The following ABCB5 variants were observed in gnomAD, a reference collection of about 807,000 sequenced individuals.
ABCB5 encodes the protein ATP binding cassette subfamily B member 5, also known as ATP-binding cassette sub-family B member 5.
In ABCB5, 155 loss-of-function variants were observed where a neutral mutation model predicts 144.2. The observed-to-expected ratio is 1.08, with a 90% CI of 0.94 to 1.23. The LOEUF is 1.23. Among genes scored for constraint, ABCB5 ranks in the 50% most tolerant of loss-of-function variants. ABCB5 has a pLI of 0.00. For synonymous variants in ABCB5, 610 were observed against 528.6 expected, an observed-to-expected ratio of 1.15 and a Z score of -2.11; for missense variants, 1,830 against 1,520.8, an observed-to-expected ratio of 1.20 and a Z score of -3.38.
chr7:20,691,293 T>C (rs1786220445), intron 16 of ABCB5, among the ~76,000 whole-genome samples: 1 of 149,480 alleles, frequency 6.7e-6, no homozygotes, highest in African/African-American at 2.5e-5. Flanking sequence ...TCAGTGGACT[T>C]TGAGTTGAGG....
chr7:20,656,798 A>C (rs1784807583), intron 13 of ABCB5, among the ~76,000 whole-genome samples: 1 of 152,298 alleles, frequency 6.6e-6, no homozygotes, highest in Non-Finnish European at 1.5e-5. Context: ...TATCTTGTAC[A>C]TGAATATTCA....
At chr7:20,754,605 A>T (rs1488433263) in intron 27 of ABCB5, among the ~76,000 whole-genome samples, 2 of 152,220 alleles carry the variant, frequency 1.3e-5, no homozygotes, top group Admixed American at 6.5e-5. Flanking sequence ...CTGAAATGCT[A>T]TGTTAACAGG....
chr7:20,734,494 A>T (rs1474370598), intron 23 of ABCB5, among the ~76,000 whole-genome samples: 1 of 151,178 alleles, frequency 6.6e-6, no homozygotes, highest in Non-Finnish European at 1.5e-5. Flanking sequence ...TCCAAGGCAT[A>T]ATTTATAGCT....
At chr7:20,656,817 T>A (rs1444636948) in intron 13 of ABCB5, among the ~76,000 whole-genome samples, 1 of 152,108 alleles carries the variant, frequency 6.6e-6, no homozygotes, top group Non-Finnish European at 1.5e-5. Flanking sequence ...CATAGCAGCT[T>A]TATTTATAAT....
rs547480090 is a variant in ABCB5, at chr7:20,647,424, T to C, written c.982-111T>C. The C allele has an allele frequency of 2.8e-4, 385 of 1,395,428 alleles. 1 individual carries two copies. Among genetic ancestry groups the C allele is most frequent in the Non-Finnish European group, 3.2e-4 (343 of 1,078,918 alleles). The allele number at this position is 1,395,428 out of a possible 1,614,324, so 86.4% of individuals were successfully genotyped here. Reference sequence around the variant, plus strand: ...GTCATATCTTCCATTCTTTCTTACCTAATTCCTCTAATATCTCTCTGTGAG... The same window carrying C: ...GTCATATCTTCCATTCTTTCTTACCCAATTCCTCTAATATCTCTCTGTGAG... On this transcript the variant is annotated intron_variant, in intron 9 of 27. Coordinates refer to ENST00000404938, the MANE Select transcript of ABCB5 (RefSeq NM_001163941.2).
intron 1 of ABCB5, among the ~76,000 whole-genome samples, chr7:20,618,423 T>C (rs937994882): frequency 6.6e-6 from 1 of 152,238 alleles, no homozygotes; most frequent in Non-Finnish European, 1.5e-5. Flanking sequence ...ACTTTTATTT[T>C]AGATTTAGAG....
chr7:20,619,738 T>C (rs77449829), intron 1 of ABCB5, among the ~76,000 whole-genome samples: 2,634 of 152,298 alleles, frequency 0.017, 79 homozygotes, highest in African/African-American at 0.06. Context: ...GGATAGGCTG[T>C]ATATTCTTTG....
intron 26 of ABCB5, among the ~76,000 whole-genome samples, chr7:20,751,396 G>C (rs142509926): frequency 1.3e-5 from 2 of 152,030 alleles, no homozygotes; most frequent in Admixed American, 6.6e-5. Context: ...GCGTGAACCC[G>C]GGAAGCGGAG....
At chr7:20,742,800 G>A in intron 24 of ABCB5, 77 bp from the exon 25 acceptor site, 1 of 1,411,264 alleles carries the variant, frequency 7.1e-7, no homozygotes, top group South Asian at 1.2e-5. Flanking sequence ...TTTTCAAAAT[G>A]AACTTGGCCA....
intron 12 of ABCB5, among the ~76,000 whole-genome samples, chr7:20,650,351 C>A (rs1784544535): frequency 6.6e-6 from 1 of 152,024 alleles, no homozygotes; most frequent in Admixed American, 6.5e-5. Flanking sequence ...TCTGAGAATA[C>A]CTAGGTGAAT....
chr7:20,647,138 A>C (rs1320058809), intron 9 of ABCB5, among the ~76,000 whole-genome samples: 1 of 152,138 alleles, frequency 6.6e-6, no homozygotes, highest in East Asian at 1.9e-4. Flanking sequence ...AAATCTACTG[A>C]ATTTTTCTTT....
intron 4 of ABCB5, among the ~76,000 whole-genome samples, chr7:20,630,306 A>G (rs778519156): frequency 3.9e-5 from 6 of 152,078 alleles, no homozygotes; most frequent in Non-Finnish European, 5.9e-5. Context: ...TGTTCAGTCT[A>G]CTTCCCTCTG....
chr7:20,633,574 G>A (rs1784085771), intron 5 of ABCB5, among the ~76,000 whole-genome samples: 1 of 152,086 alleles, frequency 6.6e-6, no homozygotes, highest in Admixed American at 6.6e-5. Flanking sequence ...CGATTAATTA[G>A]CATATTCATT....
intron 14 of ABCB5, chr7:20,659,892 C>A: frequency 1.1e-6 from 1 of 917,106 alleles, no homozygotes. Flanking sequence ...CCATGTTGAC[C>A]AGGCTGGTCT....
At chr7:20,617,093 C>G (rs186008080) in intron 1 of ABCB5, among the ~76,000 whole-genome samples, 1 of 152,038 alleles carries the variant, frequency 6.6e-6, no homozygotes, top group Non-Finnish European at 1.5e-5. Flanking sequence ...AAAAACTGAC[C>G]ACTCTCTAAT....
intron 1 of ABCB5, among the ~76,000 whole-genome samples, chr7:20,618,868 G>A (rs1019125366): frequency 5.6e-5 from 7 of 123,956 alleles, no homozygotes; most frequent in Non-Finnish European, 9.5e-5. Flanking sequence ...TCCACCTCCC[G>A]GGTTCAAGAG....
intron 26 of ABCB5, among the ~76,000 whole-genome samples, chr7:20,748,034 C>CGG (rs1782784310): frequency 1.3e-5 from 2 of 152,176 alleles, no homozygotes; most frequent in Admixed American, 1.3e-4. Context: ...GATGCTGTAA[C>CGG]TACCGCATTT....
At chr7:20,680,113 G>T (rs974134974) in intron 14 of ABCB5, among the ~76,000 whole-genome samples, 1 of 152,134 alleles carries the variant, frequency 6.6e-6, no homozygotes, top group Admixed American at 6.6e-5. Flanking sequence ...AAACCAAATG[G>T]ATGAATCTCA....
chr7:20,691,708 A>G (rs919905054), intron 16 of ABCB5, among the ~76,000 whole-genome samples: 1 of 152,076 alleles, frequency 6.6e-6, no homozygotes, highest in African/African-American at 2.4e-5. Context: ...AGGGGAAGAT[A>G]ATTAGTCCTA....
Sources: allele counts gnomAD v4.1 joint callset (sites outside exome capture counted in the v4.1 genomes callset), GRCh38; gene constraint gnomAD v4.1.1; transcripts MANE v1.5; gene names NCBI Gene and HGNC (gene_info 2026-07-23, HGNC 2026-07-21).